BTRC: variants seen among roughly 807,000 people sequenced by gnomAD.
The protein encoded by BTRC is F-box/WD repeat-containing protein 1A.
In BTRC, 42 loss-of-function variants were observed where a neutral mutation model predicts 85.5. The observed-to-expected ratio is 0.49, with a 90% CI of 0.38 to 0.64. The LOEUF (loss-of-function observed/expected upper bound fraction) is 0.64. Ranked by LOEUF, BTRC falls within the 30% of genes least tolerant of loss-of-function variation. The pLI, the probability that BTRC is intolerant of heterozygous loss-of-function variation, is 0.00. For missense variants in BTRC, 594 were observed against 743.5 expected, an observed-to-expected ratio of 0.80 and a Z score of 2.34; for synonymous variants, 255 against 263.3, an observed-to-expected ratio of 0.97 and a Z score of 0.30.
intron 1 of BTRC, 137 bp from the exon 2 acceptor site, chr10:101,430,206 AGT>A: frequency 1.9e-6 from 1 of 524,034 alleles, no homozygotes; most frequent in Non-Finnish European, 3.3e-6. Context: ...GCCAGTAAGT[AGT>A]GTGTTTCTTA....
chr10:101,481,783 A>G (rs1945840481), intron 4 of BTRC, among the ~76,000 whole-genome samples: 1 of 152,180 alleles, frequency 6.6e-6, no homozygotes, highest in African/African-American at 2.4e-5. Context: ...TGACACCTAT[A>G]TCCTTTCGTC....
intron 3 of BTRC, among the ~76,000 whole-genome samples, chr10:101,470,622 G>C (rs1205455285): frequency 6.6e-6 from 1 of 152,236 alleles, no homozygotes. Flanking sequence ...GAGCCACCGC[G>C]CCTAGCCGGT....
At chr10:101,408,119 G>GT (rs1241036208) in intron 1 of BTRC, among the ~76,000 whole-genome samples, 21 of 152,084 alleles carry the variant, frequency 1.4e-4, no homozygotes, top group Admixed American at 1.4e-3. Flanking sequence ...TTTTAAAGTT[G>GT]TAACATATTT....
rs1206660404 is a variant in BTRC at position 101,362,904 on chromosome 10, C to T, written c.48+8676C>T. 2.0e-5 allele frequency among the ~76,000 whole-genome samples: 3 copies of T among 152,136 alleles called. No homozygotes were observed. The South Asian group carries it at 6.2e-4, about 32-fold the overall frequency. ...ATAACAACTACTTACATAACATTTA[C>T]ATTGCATTATTATATGTAATCTAGA... On this transcript the variant is annotated intron_variant, in intron 1 of 14. Transcript: ENST00000370187.
At chr10:101,542,336 C>T (rs1367047107) in intron 13 of BTRC, among the ~76,000 whole-genome samples, 3 of 151,706 alleles carry the variant, frequency 2.0e-5, no homozygotes, top group Non-Finnish European at 4.4e-5. Context: ...TGACTTTGAA[C>T]CTTTTTTTAA....
intron 6 of BTRC, among the ~76,000 whole-genome samples, chr10:101,528,499 G>A (rs1006570467): frequency 5.3e-5 from 8 of 152,000 alleles, no homozygotes; most frequent in African/African-American, 9.7e-5. Context: ...ACCCATTCCC[G>A]CTCTTTTGAG....
At chr10:101,442,946 A>G (rs906955979) in intron 2 of BTRC, among the ~76,000 whole-genome samples, 1 of 133,592 alleles carries the variant, frequency 7.5e-6, no homozygotes, top group Non-Finnish European at 1.5e-5. Context: ...GGGTGGTGCC[A>G]TCTCGGCTCA....
chr10:101,531,140 C>T, intron 6 of BTRC, 97 bp from the exon 7 acceptor site: 1 of 1,024,038 alleles, frequency 9.8e-7, no homozygotes, highest in Non-Finnish European at 1.4e-6. Context: ...TGCTGCACTC[C>T]AGCCTGGGCA....
intron 2 of BTRC, among the ~76,000 whole-genome samples, chr10:101,441,983 G>T (rs1366085232): frequency 6.6e-6 from 1 of 151,478 alleles, no homozygotes; most frequent in African/African-American, 2.4e-5. Flanking sequence ...GCCTAAGATT[G>T]CATATACTTC....
chr10:101,497,793 G>C (rs565684598), intron 4 of BTRC, among the ~76,000 whole-genome samples: 1 of 152,060 alleles, frequency 6.6e-6, no homozygotes, highest in Non-Finnish European at 1.5e-5. Context: ...AGGCCAACGC[G>C]GGCATGTCAC....
chr10:101,366,873 T>TTA, intron 1 of BTRC, among the ~76,000 whole-genome samples: 1 of 20,614 alleles, frequency 4.9e-5, no homozygotes, highest in South Asian at 1.5e-3. Flanking sequence ...TATATTAATA[T>TTA]ATATTTATAT....
Position 101,535,436 on chromosome 10 carries a change from G to A in BTRC, c.1430G>A (p.Arg477Lys), listed in dbSNP as rs775649037. The A allele has an allele frequency of 6.2e-6, 10 of 1,613,880 alleles. No individual in the cohort carries two copies. The highest frequency in any genetic ancestry group is 8.5e-6 in the Non-Finnish European group (10 of 1,179,970). Residue 477 changes from arginine to lysine, a missense_variant, in exon 11 of 15, where the codon AGG (arginine) becomes AAG (lysine). This residue lies in a region of BTRC where 373 missense variants were observed against 503.6 expected (regional missense o/e 0.74). Coordinates refer to ENST00000370187, the MANE Select transcript of BTRC (RefSeq NM_033637.4). ...ATTGCCTGTTTGCAGTACAGGGACA[G>A]GCTGGTAGTGAGTGGCTCATCTGAC... is the stretch of plus-strand genomic sequence containing the variant. ...RGIACLQYRD[R>K]LVVSGSSDNT...
intron 1 of BTRC, among the ~76,000 whole-genome samples, chr10:101,429,934 G>A (rs1944359902): frequency 6.7e-6 from 1 of 150,250 alleles, no homozygotes; most frequent in African/African-American, 2.4e-5. Context: ...ATATTGTAAT[G>A]TTTCTGTGAA....
intron 4 of BTRC, among the ~76,000 whole-genome samples, chr10:101,490,603 T>C (rs1000423414): frequency 1.3e-5 from 2 of 152,204 alleles, no homozygotes; most frequent in African/African-American, 4.8e-5. Context: ...ACCAGGATAC[T>C]TCCCCCATCG....
intron 1 of BTRC, among the ~76,000 whole-genome samples, chr10:101,357,405 C>T (rs1262274493): frequency 7.3e-6 from 1 of 137,372 alleles, no homozygotes; most frequent in Non-Finnish European, 1.5e-5. Flanking sequence ...CGTGCCATTA[C>T]ACTCCAGCCT....
intron 1 of BTRC, among the ~76,000 whole-genome samples, chr10:101,367,399 A>G (rs1421547516): frequency 3.3e-5 from 5 of 152,066 alleles, no homozygotes; most frequent in Admixed American, 6.6e-5. Flanking sequence ...AGAATGTTCT[A>G]GTGTACTTTA....
At chr10:101,368,885 G>A (rs1425844754) in intron 1 of BTRC, among the ~76,000 whole-genome samples, 1 of 152,030 alleles carries the variant, frequency 6.6e-6, no homozygotes, top group Non-Finnish European at 1.5e-5. Flanking sequence ...TGGATGTGGT[G>A]GCGGGCACCT....
chr10:101,447,888 T>C (rs1944867538), intron 2 of BTRC, among the ~76,000 whole-genome samples: 1 of 152,178 alleles, frequency 6.6e-6, no homozygotes, highest in Non-Finnish European at 1.5e-5. Context: ...TTATCACTTT[T>C]TTTCTTTAAT....
intron 4 of BTRC, among the ~76,000 whole-genome samples, chr10:101,484,036 A>G (rs944852211): frequency 1.3e-5 from 2 of 152,238 alleles, no homozygotes; most frequent in African/African-American, 4.8e-5. Context: ...AATTGTTTGA[A>G]TACATCTATC....
Sources: gnomAD v4.1 joint callset for allele counts (sites outside exome capture counted in the v4.1 genomes callset) on GRCh38, gnomAD v4.1.1 for gene constraint, gnomAD v4.1.1 regional missense constraint, MANE v1.5 for transcripts, NCBI Gene and HGNC (gene_info 2026-07-23, HGNC 2026-07-21) for gene names.